RARB: variants seen among roughly 807,000 people sequenced by gnomAD.
RARB encodes HBV-activated protein.
Under a neutral mutation model 51.9 loss-of-function variants are expected in RARB, and 17 were observed. The observed-to-expected ratio is 0.33, with a 90% CI of 0.22 to 0.49. The LOEUF (loss-of-function observed/expected upper bound fraction) is 0.49. Among genes scored for constraint, RARB ranks in the 20% least tolerant of loss-of-function variants. The pLI, the probability that RARB is intolerant of heterozygous loss-of-function variation, is 0.99. For missense variants in RARB, 369 were observed against 550.8 expected (o/e 0.67, Z 3.30); for synonymous variants, 215 against 195.4 (o/e 1.10, Z -0.84).
At chr3:25,195,995 C>A (rs762030804) in intron 5 of RARB, among the ~76,000 whole-genome samples, 1 of 151,858 alleles carries the variant, frequency 6.6e-6, no homozygotes, top group Non-Finnish European at 1.5e-5. Context: ...TCCTCTGCTT[C>A]GAGTCATTTA....
intron 3 of RARB, among the ~76,000 whole-genome samples, chr3:25,081,431 A>C (rs572563496): frequency 6.7e-6 from 1 of 150,216 alleles, no homozygotes; most frequent in African/African-American, 2.4e-5. Flanking sequence ...ATTTGGATCA[A>C]ATTGATTGAT....
intron 2 of RARB, among the ~76,000 whole-genome samples, chr3:25,047,455 AAAAAG>A (rs1454516231): frequency 1.3e-5 from 2 of 152,210 alleles, no homozygotes; most frequent in East Asian, 1.9e-4. Flanking sequence ...GAAACCTGTG[AAAAAG>A]AAAAGGAGTT....
intron 5 of RARB, among the ~76,000 whole-genome samples, chr3:25,589,718 G>A (rs1033988631): frequency 6.6e-6 from 1 of 152,170 alleles, no homozygotes; most frequent in African/African-American, 2.4e-5. Context: ...AGAAGAGAAG[G>A]CTCTTTTTGC....
intron 2 of RARB, among the ~76,000 whole-genome samples, chr3:24,880,094 C>A (rs954922604): frequency 6.6e-6 from 1 of 151,798 alleles, no homozygotes; most frequent in Non-Finnish European, 1.5e-5. Context: ...TGCTTTCTTG[C>A]CAGTTCATCA....
At chr3:24,854,778 C>T (rs1174413708) in intron 1 of RARB, among the ~76,000 whole-genome samples, 1 of 152,140 alleles carries the variant, frequency 6.6e-6, no homozygotes, top group African/African-American at 2.4e-5. Flanking sequence ...CCAGCTGTAC[C>T]AATAAAAAAT....
intron 5 of RARB, among the ~76,000 whole-genome samples, chr3:25,257,391 A>C (rs1702892120): frequency 6.6e-6 from 1 of 152,052 alleles, no homozygotes; most frequent in African/African-American, 2.4e-5. Flanking sequence ...TTTAGCCTAG[A>C]GAAGAGGAGA....
At chr3:25,112,787 A>G (rs1225617457) in intron 3 of RARB, among the ~76,000 whole-genome samples, 3 of 152,142 alleles carry the variant, frequency 2.0e-5, no homozygotes, top group African/African-American at 7.2e-5. Flanking sequence ...AAAAAAGGGA[A>G]AAAAAGCCAA....
At chr3:25,386,770 G>C (rs1048069028) in intron 5 of RARB, among the ~76,000 whole-genome samples, 2 of 152,228 alleles carry the variant, frequency 1.3e-5, no homozygotes, top group African/African-American at 4.8e-5. Flanking sequence ...TTCCTCCCAA[G>C]AGACTCTTCT....
intron 1 of RARB, among the ~76,000 whole-genome samples, chr3:25,440,851 T>A (rs969069239): frequency 2.0e-5 from 3 of 152,172 alleles, no homozygotes; most frequent in African/African-American, 7.2e-5. Context: ...TTATAATTAT[T>A]ATAAAGTTGA....
intron 2 of RARB, among the ~76,000 whole-genome samples, chr3:24,991,105 A>G (rs530686407): frequency 1.3e-5 from 2 of 152,298 alleles, no homozygotes; most frequent in South Asian, 2.1e-4. Context: ...ATAGTCTTCA[A>G]TATTTTGTTT....
chr3:25,277,396 C>G (rs948230120), intron 5 of RARB, among the ~76,000 whole-genome samples: 4 of 152,136 alleles, frequency 2.6e-5, no homozygotes, highest in African/African-American at 9.7e-5. Flanking sequence ...ATAAGCTGCT[C>G]ACTTGCAGAA....
intron 2 of RARB, among the ~76,000 whole-genome samples, chr3:24,991,204 G>T (rs1696902211): frequency 6.6e-6 from 1 of 152,170 alleles, no homozygotes; most frequent in African/African-American, 2.4e-5. Context: ...ACTTTGGGAG[G>T]CTGAGGTGGG....
chr3:25,427,755 C>T (rs1708036118), upstream of RARB, among the ~76,000 whole-genome samples: 1 of 152,152 alleles, frequency 6.6e-6, no homozygotes, highest in South Asian at 2.1e-4. Flanking sequence ...CAAGGGGTAG[C>T]CATTCTCTGT....
At chr3:25,005,796 C>G (rs537688275) in intron 2 of RARB, among the ~76,000 whole-genome samples, 3 of 152,210 alleles carry the variant, frequency 2.0e-5, no homozygotes, top group Non-Finnish European at 4.4e-5. Context: ...TCAGAGAAAA[C>G]TTTGATATGC....
chr3:25,294,524 A>G (rs1413845433), intron 5 of RARB, among the ~76,000 whole-genome samples: 8 of 152,192 alleles, frequency 5.3e-5, no homozygotes, highest in Non-Finnish European at 8.8e-5. Flanking sequence ...CATTAGCTAC[A>G]ACAGAAAGCC....
chr3:24,867,484 G>A (rs150183396), intron 2 of RARB, among the ~76,000 whole-genome samples: 86 of 152,232 alleles, frequency 5.6e-4, no homozygotes, highest in Middle Eastern at 3.4e-3. Flanking sequence ...GGCCAGCTTG[G>A]CACCAAGCAG....
At chr3:25,092,340 T>A (rs888047009) in intron 3 of RARB, among the ~76,000 whole-genome samples, 4 of 152,194 alleles carry the variant, frequency 2.6e-5, no homozygotes, top group African/African-American at 7.2e-5. Context: ...TAGAACTTTT[T>A]GTTTGTTCAT....
intron 2 of RARB, among the ~76,000 whole-genome samples, chr3:25,471,454 TTTC>T (rs1332210356): frequency 2.0e-5 from 3 of 152,182 alleles, no homozygotes; most frequent in Non-Finnish European, 2.9e-5. Context: ...AGAAAACACT[TTTC>T]TTCTTCTAAC....
At chr3:25,011,780 A>G (rs183185359) in intron 2 of RARB, among the ~76,000 whole-genome samples, 1 of 152,272 alleles carries the variant, frequency 6.6e-6, no homozygotes, top group East Asian at 1.9e-4. Context: ...TCCACATAGC[A>G]GACTAGCCCC....
Sources: allele counts gnomAD v4.1 joint callset (sites outside exome capture counted in the v4.1 genomes callset), GRCh38; gene constraint gnomAD v4.1.1; transcripts MANE v1.5; gene names NCBI Gene and HGNC (gene_info 2026-07-23, HGNC 2026-07-21).